CD2AP: variants seen among roughly 807,000 people sequenced by gnomAD.
CD2AP encodes the protein CD2-associated protein.
In CD2AP, 46 loss-of-function variants were observed where a neutral mutation model predicts 85.1. The ratio of observed to expected loss-of-function variants is 0.54; its 90% CI spans 0.43 to 0.69. The LOEUF (loss-of-function observed/expected upper bound fraction) is 0.69, where lower values mean the gene tolerates loss of function less well. Among genes scored for constraint, CD2AP ranks in the 30% least tolerant of loss-of-function variants. The pLI is 0.00. For synonymous variants in CD2AP, 255 were observed against 252.9 expected, an observed-to-expected ratio of 1.01 and a Z score of -0.08; for missense variants, 769 against 729.5, an observed-to-expected ratio of 1.05 and a Z score of -0.62.
rs576911152 is a variant in CD2AP at position 47,584,455 on chromosome 6, A to C, written c.1108+2390A>C. ...TTTTTGGCATGTGAATGTCTAGTTG[A>C]TCCAACACCGTTTGTTGAAAAGACT... On this transcript the variant is annotated intron_variant, in intron 11 of 17. Coordinates refer to ENST00000359314, the MANE Select transcript of CD2AP (RefSeq NM_012120.3). Among the ~76,000 whole-genome samples the C allele has an allele frequency of 2.0e-5, 3 of 146,590 alleles. No homozygotes were observed. In the South Asian group the frequency reaches 6.4e-4, roughly 31 times the overall value.
chr6:47,536,372 TTG>T (rs1767044670), intron 3 of CD2AP, among the ~76,000 whole-genome samples: 2 of 152,262 alleles, frequency 1.3e-5, no homozygotes, highest in South Asian at 4.1e-4. Flanking sequence ...CCCAAAACCA[TTG>T]TATTAACATA....
intron 4 of CD2AP, among the ~76,000 whole-genome samples, chr6:47,554,266 A>T (rs1256959741): frequency 6.6e-6 from 1 of 152,078 alleles, no homozygotes; most frequent in Non-Finnish European, 1.5e-5. Flanking sequence ...ATTTCCAAAT[A>T]CTTTAAATAA....
At chr6:47,547,520 TTAGTTTATA>T (rs567609986) in intron 4 of CD2AP, among the ~76,000 whole-genome samples, 103 of 152,114 alleles carry the variant, frequency 6.8e-4, no homozygotes, top group African/African-American at 2.4e-3. Flanking sequence ...CTGGAGCTCT[TTAGTTTATA>T]AGACAATTAG....
intron 17 of CD2AP, among the ~76,000 whole-genome samples, chr6:47,620,030 T>A (rs914912290): frequency 6.6e-6 from 1 of 152,224 alleles, no homozygotes; most frequent in African/African-American, 2.4e-5. Context: ...GTTTACTCTG[T>A]TGACTGTTCC....
In CD2AP at chr6:47,540,348, G is replaced by GA. The variant is rs1325318780; in HGVS notation, c.320-4253dup. 2.0e-5 allele frequency among the ~76,000 whole-genome samples: 3 copies of GA among 151,916 alleles called. No individual in the cohort carries two copies. In the East Asian group the frequency reaches 5.8e-4, roughly 29 times the overall value. ...ATTGACTTTGTGCAGTTTGAAATGT[G>GA]AAAAATCTCAAAGTGCCCCCTTAAT... On this transcript the variant is annotated intron_variant, in intron 3 of 17. Transcript: ENST00000359314.
intron 10 of CD2AP, 52 bp downstream of exon 10, chr6:47,580,952 TA>T: frequency 8.1e-7 from 1 of 1,232,872 alleles, no homozygotes; most frequent in Non-Finnish European, 1.2e-6. Flanking sequence ...TTTAAAATTC[TA>T]AAATGGTAAA....
chr6:47,624,166 A>G lies in CD2AP; in HGVS notation c.1879-20A>G, dbSNP rs752888842. 8 of 1,589,290 alleles carry G rather than the reference A, an allele frequency of 5.0e-6. No individual in the cohort carries two copies. Among genetic ancestry groups the G allele is most frequent in the African/African-American group, 4.0e-5 (3 of 74,420 alleles). ...ACTAAGGATATTTTATGTTTGCTCAATTTATGTTTTTTGTTTTAGATGGAA... is the reference window on the plus strand; with the variant it reads ...ACTAAGGATATTTTATGTTTGCTCAGTTTATGTTTTTTGTTTTAGATGGAA... On this transcript the variant is annotated intron_variant, in intron 17 of 17. Coordinates refer to ENST00000359314, the MANE Select transcript of CD2AP (RefSeq NM_012120.3).
At chr6:47,528,012 A>G (rs1024666497) in intron 2 of CD2AP, among the ~76,000 whole-genome samples, 1 of 152,196 alleles carries the variant, frequency 6.6e-6, no homozygotes, top group Non-Finnish European at 1.5e-5. Context: ...TGTTTTATAT[A>G]TGTGGTGTTG....
chr6:47,516,086 A>G (rs1299795886), intron 2 of CD2AP, among the ~76,000 whole-genome samples: 1 of 152,202 alleles, frequency 6.6e-6, no homozygotes, highest in Non-Finnish European at 1.5e-5. Context: ...ATTTTATTAT[A>G]CAGTTTAAGG....
chr6:47,499,412 A>G (rs1288109657), intron 1 of CD2AP, among the ~76,000 whole-genome samples: 1 of 152,160 alleles, frequency 6.6e-6, no homozygotes, highest in African/African-American at 2.4e-5. Context: ...TGTTAAGTTC[A>G]TGCTGATACT....
chr6:47,576,495 A>C, intron 6 of CD2AP, 29 bp from the exon 7 acceptor site: 1 of 1,429,526 alleles, frequency 7.0e-7, no homozygotes, highest in Admixed American at 1.7e-5. Flanking sequence ...CTATCTTAAA[A>C]TAGTTTATGC....
At chr6:47,562,591 T>G (rs1767890161) in intron 5 of CD2AP, 2 of 375,084 alleles carry the variant, frequency 5.3e-6, no homozygotes, top group Non-Finnish European at 9.7e-6. Flanking sequence ...GTGTTGAAGA[T>G]TTGGCTTCAC....
rs2114149704 is a variant in CD2AP, at chr6:47,609,300, C to A, written c.1810C>A (p.His604Asn). The change falls in exon 16 of 18, where the codon CAC becomes AAC. Residue 604 changes from histidine (H) to asparagine (N), a missense_variant. Coordinates refer to ENST00000359314, the MANE Select transcript of CD2AP (RefSeq NM_012120.3). ...CATTGTAGAAGCACTGAAAAAGGAT[C>A]ACGGGTAAGTAGCCCTTCTTTTCTC... ...LCIVEALKKD[H>N]GKELEKLRKD... 1 of 1,611,534 alleles carries A rather than the reference C, an allele frequency of 6.2e-7. No individual in the cohort carries two copies. Among genetic ancestry groups the A allele is most frequent in the South Asian group, 1.1e-5 (1 of 91,008 alleles).
chr6:47,590,984 A>G (rs1768777347), intron 11 of CD2AP, among the ~76,000 whole-genome samples: 1 of 152,204 alleles, frequency 6.6e-6, no homozygotes, highest in Non-Finnish European at 1.5e-5. Flanking sequence ...TACTACCCAA[A>G]GCAATCTGCA....
chr6:47,504,513 A>G (rs1766076492), intron 2 of CD2AP, among the ~76,000 whole-genome samples: 1 of 152,228 alleles, frequency 6.6e-6, no homozygotes, highest in Non-Finnish European at 1.5e-5. Context: ...CATATAACCT[A>G]TGCACATTCT....
chr6:47,609,235 C>A lies in CD2AP; in HGVS notation c.1745C>A (p.Ser582Tyr). The change falls in exon 16 of 18, where the codon TCC (serine) becomes TAC (tyrosine). Residue 582 changes from serine to tyrosine, a missense_variant. Transcript: ENST00000359314. ...KVETDDVKKNSLDELRAQIIE... is the reference protein window; with the variant it reads ...KVETDDVKKNYLDELRAQIIE... ...GAAACAGATGATGTGAAAAAAAATTCCCTGGATGAACTTAGAGCCCAGATT... is the reference window on the plus strand; with the variant it reads ...GAAACAGATGATGTGAAAAAAAATTACCTGGATGAACTTAGAGCCCAGATT... 1 of 1,613,430 alleles carries A rather than the reference C, an allele frequency of 6.2e-7. No individual in the cohort carries two copies. Among genetic ancestry groups the A allele is most frequent in the Non-Finnish European group, 8.5e-7 (1 of 1,179,650 alleles).
intron 5 of CD2AP, among the ~76,000 whole-genome samples, chr6:47,563,225 T>C (rs1383057630): frequency 2.6e-5 from 4 of 152,166 alleles, no homozygotes; most frequent in African/African-American, 7.2e-5. Context: ...AAGTATCACA[T>C]CTCTAGGGGG....
chr6:47,526,193 G>C (rs535203328), intron 2 of CD2AP, among the ~76,000 whole-genome samples: 8 of 152,266 alleles, frequency 5.3e-5, no homozygotes, highest in Admixed American at 2.0e-4. Context: ...CCAAAGAGTA[G>C]TCTGGTAGAG....
At chr6:47,544,483 A>G in intron 3 of CD2AP, 123 bp from the exon 4 acceptor site, 1 of 681,202 alleles carries the variant, frequency 1.5e-6, no homozygotes, top group Non-Finnish European at 2.6e-6. Flanking sequence ...AGCTGTTTAG[A>G]ATGCTCATAC....
Sources: gnomAD v4.1 joint callset for allele counts (sites outside exome capture counted in the v4.1 genomes callset) on GRCh38, gnomAD v4.1.1 for gene constraint, MANE v1.5 for transcripts, NCBI Gene and HGNC (gene_info 2026-07-23, HGNC 2026-07-21) for gene names.